Variants in BNC2 observed in about 807,000 individuals in gnomAD.
BNC2 encodes zinc finger protein basonuclin-2.
In BNC2, 20 loss-of-function variants were observed where a neutral mutation model predicts 76.3. That is an observed-to-expected ratio of 0.26 (90% CI 0.18 to 0.38). The LOEUF (loss-of-function observed/expected upper bound fraction) is 0.38. BNC2 is among the 10% of genes least tolerant of loss of function. BNC2 has a pLI of 1.00. For missense variants in BNC2, 1,382 were observed against 1,399.8 expected, an observed-to-expected ratio of 0.99 and a Z score of 0.20; for synonymous variants, 582 against 514.8, an observed-to-expected ratio of 1.13 and a Z score of -1.77.
chr9:16,659,229 G>C (rs1822025542), intron 3 of BNC2, among the ~76,000 whole-genome samples: 1 of 152,202 alleles, frequency 6.6e-6, no homozygotes, highest in Non-Finnish European at 1.5e-5. Flanking sequence ...AAATTCTATT[G>C]TACCGCCATG....
chr9:16,575,401 A>C lies in BNC2; in HGVS notation c.433+7582T>G. Reference sequence around the variant, plus strand: ...CCTCACTTTATGTTCCATCTGAATAAAACATAGCTAGGAAAAAAAGAAAAT... The same window carrying C: ...CCTCACTTTATGTTCCATCTGAATACAACATAGCTAGGAAAAAAAGAAAAT... On this transcript the variant is annotated intron_variant, in intron 4 of 6. Transcript: ENST00000380672. 3.0e-6 allele frequency: 3 copies of C among 985,370 alleles called. No individual in the cohort carries two copies. The South Asian group carries it at 1.4e-4, about 46-fold the overall frequency. The allele number at this position is 985,370 out of a possible 1,614,324, so 61.0% of individuals were successfully genotyped here.
chr9:16,823,427 CA>C (rs34451487), intron 1 of BNC2, among the ~76,000 whole-genome samples: 60 of 113,096 alleles, frequency 5.3e-4, no homozygotes, highest in African/African-American at 6.7e-4. Flanking sequence ...CCTGTCTCTA[CA>C]AAAAAAAAAA....
rs1249772271 is a variant in BNC2 at position 16,418,966 on chromosome 9, C to T, written c.*23G>A. The T allele has an allele frequency of 1.2e-6, 2 of 1,613,698 alleles. No individual in the cohort carries two copies. Among genetic ancestry groups the T allele is most frequent in the Non-Finnish European group, 1.7e-6 (2 of 1,179,820 alleles). On this transcript the variant is annotated 3_prime_UTR_variant, in exon 7 of 7. Coordinates refer to ENST00000380672, the MANE Select transcript of BNC2 (RefSeq NM_017637.6). Reference sequence around the variant, plus strand: ...ACGTAGGCCATCTGGTGAGAGCTGGCATTTGTAGTGTCCATTCTGAGACTA... The same window carrying T: ...ACGTAGGCCATCTGGTGAGAGCTGGTATTTGTAGTGTCCATTCTGAGACTA...
chr9:16,763,386 A>G (rs1377319199), intron 1 of BNC2, among the ~76,000 whole-genome samples: 1 of 151,290 alleles, frequency 6.6e-6, no homozygotes, highest in Non-Finnish European at 1.5e-5. Context: ...CCTGGGAAAC[A>G]TGACAAAACC....
intron 5 of BNC2, among the ~76,000 whole-genome samples, chr9:16,441,132 C>A (rs1174053058): frequency 1.3e-5 from 2 of 152,066 alleles, no homozygotes; most frequent in Admixed American, 1.3e-4. Context: ...CATGGCAAGA[C>A]CCTGTCTACA....
intron 4 of BNC2, among the ~76,000 whole-genome samples, chr9:16,563,461 A>G (rs1479226974): frequency 6.6e-6 from 1 of 152,184 alleles, no homozygotes; most frequent in African/African-American, 2.4e-5. Context: ...TCTACCAAAA[A>G]AAAAAATTAT....
At chr9:16,759,851 G>A (rs1825501449) in intron 1 of BNC2, among the ~76,000 whole-genome samples, 1 of 151,802 alleles carries the variant, frequency 6.6e-6, no homozygotes, top group South Asian at 2.1e-4. Flanking sequence ...AGCCTCCCGA[G>A]TAGCTGGGAC....
intron 1 of BNC2, among the ~76,000 whole-genome samples, chr9:16,778,650 G>A (rs369383393): frequency 8.5e-5 from 13 of 152,130 alleles, no homozygotes; most frequent in Admixed American, 2.0e-4. Flanking sequence ...ACATTGGACC[G>A]CAGAGCCTAT....
chr9:16,738,585 C>A, intron 1 of BNC2, 100 bp from the exon 2 acceptor site: 2 of 1,269,182 alleles, frequency 1.6e-6, no homozygotes, highest in Non-Finnish European at 2.2e-6. Context: ...TATAACACAC[C>A]AATGACCAAC....
chr9:16,799,846 C>T (rs10119811), intron 1 of BNC2, among the ~76,000 whole-genome samples: 14,499 of 152,114 alleles, frequency 0.095, 952 homozygotes, highest in Admixed American at 0.21. Context: ...ACTTTTTTAC[C>T]TTCCAAAATC....
rs551113803 is a variant in BNC2 at position 16,627,317 on chromosome 9, C to G, written c.331-44232G>C. ...GAGTGGGGACAAAAGTAAAACAACT[C>G]CAGTGTCAGAATGAAGCAGAAGCAA... On this transcript the variant is annotated intron_variant, in intron 3 of 6. Transcript: ENST00000380672. 8.5e-5 allele frequency among the ~76,000 whole-genome samples: 13 copies of G among 152,248 alleles called. No individual in the cohort carries two copies. The East Asian group carries it at 2.5e-3, about 29-fold the overall frequency.
At chr9:16,782,290 AT>A (rs1382066940) in intron 1 of BNC2, among the ~76,000 whole-genome samples, 1 of 151,710 alleles carries the variant, frequency 6.6e-6, no homozygotes, top group African/African-American at 2.4e-5. Flanking sequence ...TCTCAAAAAA[AT>A]AATAATAATG....
chr9:16,446,973 T>TA (rs2130998025), intron 5 of BNC2, among the ~76,000 whole-genome samples: 1 of 152,208 alleles, frequency 6.6e-6, no homozygotes, highest in Admixed American at 6.5e-5. Flanking sequence ...TTTGCCATAT[T>TA]AAAAAAATTC....
intron 3 of BNC2, among the ~76,000 whole-genome samples, chr9:16,667,949 T>C (rs1822350761): frequency 6.6e-6 from 1 of 152,182 alleles, no homozygotes. Context: ...TTCCTTGGTT[T>C]TCCTGTCCTC....
chr9:16,460,607 G>A (rs578084233), intron 5 of BNC2, among the ~76,000 whole-genome samples: 1 of 152,088 alleles, frequency 6.6e-6, no homozygotes, highest in South Asian at 2.1e-4. Flanking sequence ...TGTGTGACAG[G>A]GTGAGATTCT....
chr9:16,560,209 C>A (rs1440711018), intron 4 of BNC2, among the ~76,000 whole-genome samples: 1 of 152,090 alleles, frequency 6.6e-6, no homozygotes, highest in Non-Finnish European at 1.5e-5. Context: ...CTGGCCAGGA[C>A]CATACTCTGA....
chr9:16,766,394 C>A lies in BNC2; in HGVS notation c.4-27909G>T, dbSNP rs1825695660. The stretch of plus-strand genomic sequence containing the variant: ...GCTGCTGATTTTTTAATCATGAGGA[C>A]TGATTTTCAGGATGCTTAAATTCCT... On this transcript the variant is annotated intron_variant, in intron 1 of 6. Coordinates refer to ENST00000380672, the MANE Select transcript of BNC2 (RefSeq NM_017637.6). 3.9e-5 allele frequency among the ~76,000 whole-genome samples: 6 copies of A among 152,116 alleles called. 1 individual carries two copies. The highest frequency in any genetic ancestry group is 3.9e-4 in the Admixed American group (6 of 15,268).
chr9:16,805,045 G>A (rs1036553170), intron 1 of BNC2, among the ~76,000 whole-genome samples: 2 of 152,070 alleles, frequency 1.3e-5, no homozygotes, highest in African/African-American at 4.8e-5. Flanking sequence ...CTGGGTGACA[G>A]ACTGAGATTC....
At chr9:16,833,981 A>G (rs1480907134) in intron 1 of BNC2, among the ~76,000 whole-genome samples, 2 of 152,002 alleles carry the variant, frequency 1.3e-5, no homozygotes, top group African/African-American at 4.8e-5. Flanking sequence ...CTTTTGCAAT[A>G]CTCAGCACCC....
Sources: gnomAD v4.1 joint callset for allele counts (sites outside exome capture counted in the v4.1 genomes callset) on GRCh38, gnomAD v4.1.1 for gene constraint, MANE v1.5 for transcripts, NCBI Gene and HGNC (gene_info 2026-07-23, HGNC 2026-07-21) for gene names.